TMTC1: variants seen among roughly 807,000 people sequenced by gnomAD.
TMTC1 encodes protein O-mannosyl-transferase TMTC1.
TMTC1 carries 73 observed loss-of-function variants against 104.8 expected under a neutral mutation model. That is an observed-to-expected ratio of 0.70 (90% CI 0.58 to 0.85). The LOEUF (loss-of-function observed/expected upper bound fraction) is 0.85, where lower values mean the gene tolerates loss of function less well. Among genes scored for constraint, TMTC1 ranks in the 40% least tolerant of loss-of-function variants. The pLI is 0.00. For missense variants in TMTC1, 1,035 were observed against 1,096.1 expected (o/e 0.94, Z 0.79); for synonymous variants, 434 against 428.7 (o/e 1.01, Z -0.15).
intron 5 of TMTC1, among the ~76,000 whole-genome samples, chr12:29,635,812 A>G (rs1403698259): frequency 6.6e-6 from 1 of 152,220 alleles, no homozygotes; most frequent in Non-Finnish European, 1.5e-5. Flanking sequence ...TGGGAAACAA[A>G]GGGCCCAGAT....
At chr12:29,687,615 G>A (rs1208432557) in intron 5 of TMTC1, among the ~76,000 whole-genome samples, 2 of 152,176 alleles carry the variant, frequency 1.3e-5, no homozygotes, top group African/African-American at 4.8e-5. Context: ...TAATTGTCCT[G>A]GAGTTGTCAA....
intron 5 of TMTC1, among the ~76,000 whole-genome samples, chr12:29,746,101 G>A (rs545926633): frequency 3.2e-4 from 48 of 152,170 alleles, no homozygotes; most frequent in African/African-American, 9.4e-4. Context: ...TGTTTCTAAC[G>A]TGCATCACTG....
chr12:29,565,979 T>TTG lies in TMTC1; in HGVS notation c.1532+6125_1532+6126insCA, dbSNP rs1309425846. ...GGGGATAAGGACAAAGATTTCTGCTTTCATGCAGTTTACTGGGTAGAGGAG... is the reference window on the plus strand; with the variant it reads ...GGGGATAAGGACAAAGATTTCTGCTTTGTCATGCAGTTTACTGGGTAGAGGAG... On this transcript the variant is annotated intron_variant, in intron 9 of 17. Coordinates refer to ENST00000539277, the MANE Select transcript of TMTC1 (RefSeq NM_001193451.2). Among the ~76,000 whole-genome samples the TTG allele has an allele frequency of 2.0e-5, 3 of 152,350 alleles. No individual in the cohort carries two copies. In the East Asian group the frequency reaches 5.8e-4, roughly 29 times the overall value.
rs187997874 is a variant in TMTC1, at chr12:29,567,035, A to G, written c.1532+5070T>C. On this transcript the variant is annotated intron_variant, in intron 9 of 17. Transcript: ENST00000539277. ...CTAGACTCCCGTCCTGGATGCAGCG[A>G]TTGGTTGAAAGCGGGGTTTAAAAGT... Among the ~76,000 whole-genome samples the G allele has an allele frequency of 2.1e-3, 321 of 152,272 alleles. 6 individuals are homozygous for G. The highest frequency in any genetic ancestry group is 0.019 in the Admixed American group (286 of 15,296).
At chr12:29,641,686 C>A (rs552699548) in intron 5 of TMTC1, among the ~76,000 whole-genome samples, 1 of 152,170 alleles carries the variant, frequency 6.6e-6, no homozygotes, top group African/African-American at 2.4e-5. Context: ...CAAGGCTCTT[C>A]AATACCCCCC....
At chr12:29,776,879 T>A (rs1388577859) in intron 1 of TMTC1, among the ~76,000 whole-genome samples, 3 of 152,184 alleles carry the variant, frequency 2.0e-5, no homozygotes, top group African/African-American at 7.2e-5. Flanking sequence ...CACCAATACA[T>A]GCAAGGCCTT....
intron 10 of TMTC1, among the ~76,000 whole-genome samples, chr12:29,539,647 T>G (rs1312686505): frequency 2.0e-5 from 3 of 152,232 alleles, no homozygotes; most frequent in Admixed American, 2.0e-4. Context: ...CCTACTCCAT[T>G]GATTATCTTC....
intron 5 of TMTC1, among the ~76,000 whole-genome samples, chr12:29,729,827 C>T (rs564654609): frequency 2.6e-5 from 4 of 152,126 alleles, no homozygotes; most frequent in South Asian, 2.1e-4. Flanking sequence ...GCTGAGGACA[C>T]GAAAGTAAAA....
intron 5 of TMTC1, among the ~76,000 whole-genome samples, chr12:29,731,783 A>C (rs1942552772): frequency 6.6e-6 from 1 of 152,202 alleles, no homozygotes; most frequent in Non-Finnish European, 1.5e-5. Context: ...TTACACACTT[A>C]AAAGATTTTT....
chr12:29,536,773 C>T (rs549232885), intron 10 of TMTC1, among the ~76,000 whole-genome samples: 9 of 26,026 alleles, frequency 3.5e-4, no homozygotes, highest in African/African-American at 1.5e-3. Context: ...CAGGAACAAA[C>T]CAGGCCAAAC....
At chr12:29,760,644 C>T (rs552710859) in intron 2 of TMTC1, among the ~76,000 whole-genome samples, 10 of 151,982 alleles carry the variant, frequency 6.6e-5, no homozygotes, top group African/African-American at 1.9e-4. Flanking sequence ...CTAGCAGGGA[C>T]GTATAACCTG....
intron 5 of TMTC1, among the ~76,000 whole-genome samples, chr12:29,688,440 TG>T (rs1429370018): frequency 1.3e-5 from 2 of 152,208 alleles, no homozygotes; most frequent in Middle Eastern, 3.2e-3. Context: ...ATTAGACATC[TG>T]TTCCCCATTA....
At chr12:29,697,160 A>T (rs929869087) in intron 5 of TMTC1, among the ~76,000 whole-genome samples, 2 of 152,238 alleles carry the variant, frequency 1.3e-5, no homozygotes, top group Admixed American at 1.3e-4. Flanking sequence ...AAATGAAAAG[A>T]ACCAAGAACA....
intron 5 of TMTC1, among the ~76,000 whole-genome samples, chr12:29,679,852 TTTACA>T (rs1267890365): frequency 6.6e-6 from 1 of 152,102 alleles, no homozygotes; most frequent in Non-Finnish European, 1.5e-5. Flanking sequence ...AGAAGCAGTG[TTTACA>T]TTATTATGAA....
At chr12:29,602,955 C>G (rs1198204947) in intron 7 of TMTC1, among the ~76,000 whole-genome samples, 1 of 152,134 alleles carries the variant, frequency 6.6e-6, no homozygotes, top group African/African-American at 2.4e-5. Context: ...CTGGTCTAAG[C>G]AAAAACATAT....
At chr12:29,518,678 C>G (rs752870387) in intron 12 of TMTC1, 71 bp from the exon 13 acceptor site, 5 of 1,535,506 alleles carry the variant, frequency 3.3e-6, no homozygotes, top group Admixed American at 3.7e-5. Flanking sequence ...TTCACTTTCT[C>G]TTCTGACTTA....
intron 5 of TMTC1, among the ~76,000 whole-genome samples, chr12:29,682,768 G>A (rs976043124): frequency 6.6e-6 from 1 of 152,164 alleles, no homozygotes; most frequent in African/African-American, 2.4e-5. Context: ...GAGAGTGGGT[G>A]TAACTACAAA....
At chr12:29,684,789 T>C (rs11050371) in intron 5 of TMTC1, among the ~76,000 whole-genome samples, 21,010 of 152,088 alleles carry the variant, frequency 0.14, 1,729 homozygotes, top group East Asian at 0.34. Flanking sequence ...TCTCCCCCTC[T>C]CCGGCCACAC....
intron 7 of TMTC1, among the ~76,000 whole-genome samples, chr12:29,586,707 C>T (rs1282526301): frequency 3.4e-5 from 5 of 148,080 alleles, no homozygotes; most frequent in African/African-American, 1.0e-4. Flanking sequence ...TGGTTTTTGT[C>T]TTTGGTTCTG....
Sources: gnomAD v4.1 joint callset for allele counts (sites outside exome capture counted in the v4.1 genomes callset) on GRCh38, gnomAD v4.1.1 for gene constraint, MANE v1.5 for transcripts, NCBI Gene and HGNC (gene_info 2026-07-23, HGNC 2026-07-21) for gene names.